The following NRK variants were observed in gnomAD, a reference collection of about 807,000 sequenced individuals.
NRK encodes the protein Nik related kinase.
NRK carries 67 observed loss-of-function variants against 125.2 expected under a neutral mutation model. The ratio of observed to expected loss-of-function variants is 0.54; its 90% CI spans 0.44 to 0.66. The LOEUF is 0.66. Ranked by LOEUF, NRK falls within the 30% of genes least tolerant of loss-of-function variation. NRK has a pLI of 0.00. For synonymous variants in NRK, 458 were observed against 429.0 expected, an observed-to-expected ratio of 1.07 and a Z score of -0.84; for missense variants, 1,224 against 1,192.9, an observed-to-expected ratio of 1.03 and a Z score of -0.38.
intron 2 of NRK, among the ~76,000 whole-genome samples, chrX:105,870,168 G>A (rs1460614659): frequency 2.7e-5 from 3 of 111,409 alleles, no homozygotes; most frequent in East Asian, 2.8e-4. Flanking sequence ...ATTGTCATTC[G>A]GAGGGAAAAA....
chrX:105,915,196 A>G (rs950737313), intron 14 of NRK, among the ~76,000 whole-genome samples: 1 of 110,765 alleles, frequency 9.0e-6, no homozygotes, highest in Non-Finnish European at 1.9e-5. Context: ...TTTCTTAAAG[A>G]TGGGACACTT....
chrX:105,846,153 ATT>A (rs1385799966), intron 2 of NRK, among the ~76,000 whole-genome samples: 1 of 111,516 alleles, frequency 9.0e-6, no homozygotes, highest in African/African-American at 3.3e-5. Context: ...AATGATATTA[ATT>A]TTTTTGGTGA....
Position 105,921,946 on chromosome X carries a change from G to A in NRK, c.2513-18G>A, listed in dbSNP as rs1212922838. On this transcript the variant is annotated intron_variant, in intron 16 of 28. Coordinates refer to ENST00000243300, the MANE Select transcript of NRK (RefSeq NM_198465.4). The stretch of plus-strand genomic sequence containing the variant: ...CTGTAATCACCATTGTTACTAATGT[G>A]TTTTTGGCATTCCATAGAATCTTCT... 1.1e-6 allele frequency: 1 copy of A among 899,489 alleles called. No homozygotes were observed. The highest frequency in any genetic ancestry group is 1.6e-6 in the Non-Finnish European group (1 of 618,326). The allele number at this position is 899,489 out of a possible 1,213,427, so 74.1% of individuals were successfully genotyped here. A position where few individuals can be genotyped will look rare whatever the true frequency, so the allele number is the denominator to read the frequency against.
intron 27 of NRK, among the ~76,000 whole-genome samples, chrX:105,950,153 T>A (rs2040871815): frequency 8.9e-6 from 1 of 112,019 alleles, no homozygotes; most frequent in Admixed American, 9.5e-5. Context: ...TTCTATTTTT[T>A]ATAGTCAGTA....
intron 7 of NRK, among the ~76,000 whole-genome samples, chrX:105,897,103 G>A (rs192132830): frequency 6.2e-5 from 7 of 112,286 alleles, no homozygotes; most frequent in Non-Finnish European, 1.3e-4. Context: ...CCTTCCTCTG[G>A]AGGAGAGACC....
chrX:105,884,751 C>CT (rs761947398), intron 4 of NRK, among the ~76,000 whole-genome samples: 3 of 111,752 alleles, frequency 2.7e-5, no homozygotes, highest in Non-Finnish European at 3.8e-5. Flanking sequence ...TTAAGGAAAT[C>CT]TTTTTTTTCA....
rs2040748260 is a variant in NRK at position 105,941,903 on chromosome X, C to T, written c.3958+1871C>T. 4.5e-5 allele frequency among the ~76,000 whole-genome samples: 5 copies of T among 110,330 alleles called. No homozygotes were observed. In the South Asian group the frequency reaches 2.0e-3, roughly 43 times the overall value. ...CCCCATATTCATTAACAGTTACCCC[C>T]ATTCCATCCTTCTTTACTTCCCCCT... On this transcript the variant is annotated intron_variant, in intron 23 of 28. Transcript: ENST00000243300.
At chrX:105,826,250 G>C (rs1476121714) in intron 1 of NRK, among the ~76,000 whole-genome samples, 1 of 75,724 alleles carries the variant, frequency 1.3e-5, no homozygotes, top group African/African-American at 5.2e-5. Flanking sequence ...TAATATATAT[G>C]ATAATATATA....
At chrX:105,929,281 T>A (rs1304494177) in intron 19 of NRK, among the ~76,000 whole-genome samples, 2 of 111,679 alleles carry the variant, frequency 1.8e-5, no homozygotes, top group Non-Finnish European at 3.8e-5. Context: ...TTAACACCTG[T>A]TTTATCTGAT....
Position 105,850,871 on chromosome X carries a change from T to A in NRK, c.123+19752T>A, listed in dbSNP as rs760867414. Among the ~76,000 whole-genome samples the A allele has an allele frequency of 2.7e-5, 3 of 112,387 alleles. No homozygotes were observed. In the South Asian group the frequency reaches 1.1e-3, roughly 42 times the overall value. On this transcript the variant is annotated intron_variant, in intron 2 of 28. Coordinates refer to ENST00000243300, the MANE Select transcript of NRK (RefSeq NM_198465.4). ...AGTTCCAAACTTTCCCACATTTTCCTGTCTTTTTCTGAGCCCTCCAAACTG... is the reference window on the plus strand; with the variant it reads ...AGTTCCAAACTTTCCCACATTTTCCAGTCTTTTTCTGAGCCCTCCAAACTG...
chrX:105,888,158 T>G, intron 4 of NRK, 136 bp from the exon 5 acceptor site: 7 of 468,864 alleles, frequency 1.5e-5, no homozygotes, highest in Non-Finnish European at 2.4e-5. Context: ...CCATTTTAGT[T>G]GAGATTTTAT....
intron 14 of NRK, among the ~76,000 whole-genome samples, chrX:105,913,475 T>C (rs1379462573): frequency 8.9e-6 from 1 of 111,937 alleles, no homozygotes; most frequent in Non-Finnish European, 1.9e-5. Context: ...AAAAACAGCA[T>C]TTGTTAATGT....
intron 4 of NRK, among the ~76,000 whole-genome samples, chrX:105,884,318 A>G (rs905907586): frequency 9.1e-6 from 1 of 110,018 alleles, no homozygotes; most frequent in Non-Finnish European, 1.9e-5. Context: ...ACTGCCAGCC[A>G]TTTTCTCTGA....
chrX:105,905,983 A>G (rs970153922), intron 10 of NRK, among the ~76,000 whole-genome samples: 3 of 112,027 alleles, frequency 2.7e-5, no homozygotes, highest in African/African-American at 6.5e-5. Flanking sequence ...GGTGCTTTTA[A>G]CATCCTATTT....
At chrX:105,862,652 C>T (rs780029227) in intron 2 of NRK, among the ~76,000 whole-genome samples, 6 of 111,842 alleles carry the variant, frequency 5.4e-5, no homozygotes, top group Non-Finnish European at 1.1e-4. Flanking sequence ...ATGATATGGA[C>T]CATTTGATGT....
chrX:105,884,353 C>T lies in NRK; in HGVS notation c.252+2574C>T, dbSNP rs765296104. 1.0e-4 allele frequency among the ~76,000 whole-genome samples: 11 copies of T among 107,824 alleles called. No individual in the cohort carries two copies. The South Asian group carries it at 1.6e-3, about 16-fold the overall frequency. The allele number at this position is 107,824 out of a possible 115,157, so 93.6% of individuals were successfully genotyped here. A position where few individuals can be genotyped will look rare whatever the true frequency, so the allele number is the denominator to read the frequency against. On this transcript the variant is annotated intron_variant, in intron 4 of 28. Coordinates refer to ENST00000243300, the MANE Select transcript of NRK (RefSeq NM_198465.4). The stretch of plus-strand genomic sequence containing the variant: ...ACATTGCAAACTTTTTTTTTTTTTA[C>T]GAGATATAAATACCGGGCATTTTAG...
Position 105,893,701 on chromosome X carries a change from A to G in NRK, c.379-131A>G, listed in dbSNP as rs766576721. On this transcript the variant is annotated intron_variant, in intron 5 of 28. Coordinates refer to ENST00000243300, the MANE Select transcript of NRK (RefSeq NM_198465.4). ...AGCCTTTGGAGTCTTCCATCAGACA[A>G]TTGAGGCAGTACTTGCAGTGCCTTA... is the stretch of plus-strand genomic sequence containing the variant. 323 of 427,126 alleles carry G rather than the reference A, an allele frequency of 7.6e-4. 2 individuals carry two copies. The highest frequency in any genetic ancestry group is 6.9e-3 in the African/African-American group (276 of 40,242). The allele number at this position is 427,126 out of a possible 1,213,427, so 35.2% of individuals were successfully genotyped here.
intron 14 of NRK, among the ~76,000 whole-genome samples, chrX:105,913,971 T>G (rs2040334159): frequency 9.0e-6 from 1 of 110,819 alleles, no homozygotes; most frequent in Non-Finnish European, 1.9e-5. Flanking sequence ...GAGTTGTAGG[T>G]TTTCTTGTCT....
At chrX:105,912,009 TA>T (rs1291423093) in intron 13 of NRK, among the ~76,000 whole-genome samples, 4 of 111,572 alleles carry the variant, frequency 3.6e-5, no homozygotes, top group African/African-American at 1.3e-4. Flanking sequence ...AAATTATTGA[TA>T]ATATAGTCAA....
Sources: gnomAD v4.1 joint callset for allele counts (sites outside exome capture counted in the v4.1 genomes callset) on GRCh38, gnomAD v4.1.1 for gene constraint, MANE v1.5 for transcripts, NCBI Gene and HGNC (gene_info 2026-07-23, HGNC 2026-07-21) for gene names.